DNAH9: variants seen among roughly 807,000 people sequenced by gnomAD.
DNAH9 encodes the protein DNAH9 variant protein.
In DNAH9, 345 loss-of-function variants were observed where a neutral mutation model predicts 471.6. The observed-to-expected ratio is 0.73, with a 90% CI of 0.67 to 0.80. The LOEUF (loss-of-function observed/expected upper bound fraction) is 0.80, where lower values mean the gene tolerates loss of function less well. DNAH9 is among the 30% of genes least tolerant of loss of function. DNAH9 has a pLI of 0.00. For synonymous variants in DNAH9, 2,093 were observed against 2,123.6 expected, an observed-to-expected ratio of 0.99 and a Z score of 0.40; for missense variants, 5,407 against 5,609.2, an observed-to-expected ratio of 0.96 and a Z score of 1.15.
Position 11,769,313 on chromosome 17 carries a change from G to T in DNAH9, c.7536G>T (p.Thr2512=). 1.2e-6 allele frequency: 2 copies of T among 1,612,684 alleles called. No individual in the cohort carries two copies. The highest frequency in any genetic ancestry group is 1.7e-6 in the Non-Finnish European group (2 of 1,179,460). ...VKNVPFNYYT[T]SAMLQAVLEK... ...ACGTGCCATTCAACTACTACACCAC[G>T]TCAGCAATGCTGCAGGGTAAGCAGC... Residue 2512 remains threonine, a synonymous_variant, in exon 38 of 69, where the codon ACG becomes ACT. Coordinates refer to ENST00000262442, the MANE Select transcript of DNAH9 (RefSeq NM_001372.4).
At chr17:11,888,279 G>A (rs140570709) in intron 57 of DNAH9, among the ~76,000 whole-genome samples, 11 of 152,092 alleles carry the variant, frequency 7.2e-5, no homozygotes, top group African/African-American at 1.2e-4. Flanking sequence ...CACTGCACCC[G>A]GTCCCATATT....
chr17:11,810,047 T>C (rs1032719946), intron 44 of DNAH9, among the ~76,000 whole-genome samples, 199 bp from the exon 45 acceptor site: 1 of 152,140 alleles, frequency 6.6e-6, no homozygotes, highest in African/African-American at 2.4e-5. Context: ...CCCACCTTTA[T>C]TGGCACCAAA....
chr17:11,656,710 A>C (rs2073657204), intron 14 of DNAH9, among the ~76,000 whole-genome samples: 1 of 152,150 alleles, frequency 6.6e-6, no homozygotes, highest in Non-Finnish European at 1.5e-5. Context: ...AACGTTTGCT[A>C]TTACCCTAGA....
At chr17:11,741,741 A>G (rs2075435945) in intron 29 of DNAH9, among the ~76,000 whole-genome samples, 1 of 152,220 alleles carries the variant, frequency 6.6e-6, no homozygotes, top group Non-Finnish European at 1.5e-5. Context: ...AGGATGAAGA[A>G]TAGGGGAACT....
chr17:11,723,944 A>G (rs2075108055), intron 27 of DNAH9, among the ~76,000 whole-genome samples: 1 of 152,198 alleles, frequency 6.6e-6, no homozygotes, highest in African/African-American at 2.4e-5. Context: ...AAGTGCTGGG[A>G]TTACAGGCGT....
intron 25 of DNAH9, 140 bp downstream of exon 25, chr17:11,704,582 C>CTTTTT: frequency 7.6e-6 from 4 of 527,038 alleles, no homozygotes; most frequent in Non-Finnish European, 1.3e-5. Flanking sequence ...GCTGCTCCTA[C>CTTTTT]TTTTTTTTTT....
At chr17:11,719,031 A>G (rs1307870394) in intron 26 of DNAH9, among the ~76,000 whole-genome samples, 2 of 152,224 alleles carry the variant, frequency 1.3e-5, no homozygotes, top group Non-Finnish European at 2.9e-5. Context: ...GGAGCTCTAT[A>G]TGGCTGGACT....
intron 53 of DNAH9, among the ~76,000 whole-genome samples, chr17:11,877,044 G>A (rs989924115): frequency 4.6e-5 from 7 of 151,916 alleles, no homozygotes; most frequent in Admixed American, 2.0e-4. Context: ...GAACAGTTCT[G>A]TGAATGGATG....
chr17:11,621,729 C>T (rs1299501108), intron 6 of DNAH9, among the ~76,000 whole-genome samples: 4 of 152,100 alleles, frequency 2.6e-5, no homozygotes, highest in Non-Finnish European at 4.4e-5. Context: ...GACTAAAGGA[C>T]GAGATCCGGG....
At chr17:11,610,029 T>G (rs1001781655) in intron 2 of DNAH9, among the ~76,000 whole-genome samples, 2 of 152,222 alleles carry the variant, frequency 1.3e-5, no homozygotes, top group Admixed American at 6.5e-5. Context: ...ACTGGTAGGA[T>G]TCAAGCAAGC....
chr17:11,768,892 G>A (rs967025407), intron 37 of DNAH9, among the ~76,000 whole-genome samples: 10 of 152,156 alleles, frequency 6.6e-5, no homozygotes, highest in Non-Finnish European at 1.3e-4. Flanking sequence ...AAAGAGGCCC[G>A]GGTGGTAGAG....
intron 14 of DNAH9, among the ~76,000 whole-genome samples, chr17:11,663,799 A>G (rs921638008): frequency 2.0e-5 from 3 of 152,252 alleles, no homozygotes; most frequent in Non-Finnish European, 4.4e-5. Flanking sequence ...AAACAAGCAT[A>G]CACATCTTAA....
chr17:11,620,960 G>A (rs2072846577), intron 6 of DNAH9, among the ~76,000 whole-genome samples: 1 of 152,070 alleles, frequency 6.6e-6, no homozygotes, highest in African/African-American at 2.4e-5. Context: ...CTATTTCTTT[G>A]GATTGTTTCA....
intron 61 of DNAH9, among the ~76,000 whole-genome samples, chr17:11,906,627 CAAAA>C (rs61461731): frequency 7.1e-5 from 7 of 98,084 alleles, no homozygotes; most frequent in Admixed American, 6.5e-4. Context: ...GACTCTGTCT[CAAAA>C]AAAAAAAAAA....
intron 48 of DNAH9, among the ~76,000 whole-genome samples, chr17:11,827,870 G>C (rs1032668757): frequency 2.6e-5 from 4 of 152,014 alleles, no homozygotes; most frequent in Non-Finnish European, 5.9e-5. Context: ...ATTTTTAGTA[G>C]AGATGGGGTT....
rs1973078433 is a variant in DNAH9 at position 11,892,326 on chromosome 17, CA to C, written c.11283+380del. ...GTAAGAAATTTGGTAGAGTATCCAT[CA>C]TTGTTTATTTACCTTTAGACTGCAA... On this transcript the variant is annotated intron_variant, in intron 58 of 68. Coordinates refer to ENST00000262442, the MANE Select transcript of DNAH9 (RefSeq NM_001372.4). The surrounding 1 kb of genome is among the most constrained non-coding windows in gnomAD (Gnocchi z 4.3). Among the ~76,000 whole-genome samples, 1 of 152,122 alleles carries C rather than the reference CA, an allele frequency of 6.6e-6. No individual in the cohort carries two copies. Among genetic ancestry groups the C allele is most frequent in the South Asian group, 2.1e-4 (1 of 4,820 alleles).
chr17:11,883,300 T>A, intron 55 of DNAH9: 5 of 1,127,554 alleles, frequency 4.4e-6, no homozygotes, highest in Non-Finnish European at 5.5e-6. Flanking sequence ...GATAATGCAG[T>A]GTGTTGCCCA....
At chr17:11,779,478 A>C (rs1346070435) in intron 38 of DNAH9, among the ~76,000 whole-genome samples, 1 of 152,152 alleles carries the variant, frequency 6.6e-6, no homozygotes, top group East Asian at 1.9e-4. Context: ...TGGAGAATTT[A>C]GGATCATCTG....
chr17:11,851,624 G>A (rs918808745), intron 49 of DNAH9, among the ~76,000 whole-genome samples: 3 of 152,104 alleles, frequency 2.0e-5, no homozygotes, highest in Non-Finnish European at 4.4e-5. Flanking sequence ...AGAAACTGGG[G>A]TGTAAAAAAG....
Sources: gnomAD v4.1 joint callset for allele counts (sites outside exome capture counted in the v4.1 genomes callset) on GRCh38, gnomAD v4.1.1 for gene constraint, Gnocchi (gnomAD v3.1) non-coding constraint, MANE v1.5 for transcripts, NCBI Gene and HGNC (gene_info 2026-07-23, HGNC 2026-07-21) for gene names.